The following NCKAP5 variants were observed in gnomAD, a reference collection of about 807,000 sequenced individuals.
NCKAP5 encodes NCK associated protein 5.
In NCKAP5, 92 loss-of-function variants were observed where a neutral mutation model predicts 167.0. The observed-to-expected ratio is 0.55, with a 90% CI of 0.47 to 0.66. The LOEUF (loss-of-function observed/expected upper bound fraction) is 0.66. Among genes scored for constraint, NCKAP5 ranks in the 30% least tolerant of loss-of-function variants. NCKAP5 has a pLI of 0.00. For synonymous variants in NCKAP5, 891 were observed against 877.4 expected, an observed-to-expected ratio of 1.02 and a Z score of -0.27; for missense variants, 2,378 against 2,315.0, an observed-to-expected ratio of 1.03 and a Z score of -0.56.
At chr2:132,839,038 T>C (rs994213256) in intron 11 of NCKAP5, among the ~76,000 whole-genome samples, 4 of 152,204 alleles carry the variant, frequency 2.6e-5, no homozygotes, top group Non-Finnish European at 4.4e-5. Flanking sequence ...CATATATTTG[T>C]TCCATTTTCT....
the NCKAP5 span, among the ~76,000 whole-genome samples, chr2:133,586,145 T>C: frequency 6.6e-6 from 1 of 152,192 alleles, no homozygotes. Flanking sequence ...TCAGTTACAA[T>C]GAACTCAGAC....
At chr2:133,620,074 C>T in the NCKAP5 span, among the ~76,000 whole-genome samples, 1 of 151,860 alleles carries the variant, frequency 6.6e-6, no homozygotes, top group African/African-American at 2.4e-5. Context: ...TACTACCAAG[C>T]CTGCTAAAAG....
intron 9 of NCKAP5, among the ~76,000 whole-genome samples, chr2:132,877,336 A>T (rs1691357535): frequency 6.6e-6 from 1 of 152,228 alleles, no homozygotes; most frequent in Non-Finnish European, 1.5e-5. Context: ...TTAAACAATT[A>T]ACATATCTAA....
chr2:133,295,289 G>T (rs149559358), intron 4 of NCKAP5, among the ~76,000 whole-genome samples: 1 of 152,210 alleles, frequency 6.6e-6, no homozygotes, highest in East Asian at 1.9e-4. Flanking sequence ...TATGTTCCTT[G>T]AACCTTAGAG....
chr2:132,705,373 T>G (rs532613419), intron 19 of NCKAP5, among the ~76,000 whole-genome samples: 4 of 152,182 alleles, frequency 2.6e-5, no homozygotes, highest in African/African-American at 9.6e-5. Flanking sequence ...CTTTTTACCC[T>G]CCCTTGATCC....
At chr2:132,819,804 G>A (rs1179019107) in intron 11 of NCKAP5, among the ~76,000 whole-genome samples, 1 of 152,164 alleles carries the variant, frequency 6.6e-6, no homozygotes, top group Non-Finnish European at 1.5e-5. Context: ...GGATGTTCAA[G>A]GTCCAGAATT....
intron 8 of NCKAP5, among the ~76,000 whole-genome samples, chr2:132,913,316 C>A (rs1041168188): frequency 2.0e-5 from 3 of 152,028 alleles, no homozygotes; most frequent in African/African-American, 4.8e-5. Context: ...TATCTTTACA[C>A]CATGTCATGG....
chr2:133,172,937 G>A (rs994469945), intron 5 of NCKAP5, among the ~76,000 whole-genome samples: 10 of 152,046 alleles, frequency 6.6e-5, no homozygotes, highest in African/African-American at 2.2e-4. Context: ...TGCCTGCCTC[G>A]ACCTCCCAAA....
chr2:133,229,388 C>G (rs890166886), intron 4 of NCKAP5, among the ~76,000 whole-genome samples: 3 of 152,122 alleles, frequency 2.0e-5, no homozygotes, highest in Admixed American at 1.3e-4. Flanking sequence ...ACAGAGCCAA[C>G]AAAAAGCCAC....
At chr2:133,557,826 A>G (rs2278849) in intron 2 of NCKAP5, among the ~76,000 whole-genome samples, 5,220 of 152,278 alleles carry the variant, frequency 0.034, 174 homozygotes, top group East Asian at 0.16. Flanking sequence ...GATCACAGAC[A>G]CTGCCAGGGT....
the NCKAP5 span, among the ~76,000 whole-genome samples, chr2:133,642,248 C>T: frequency 6.6e-6 from 1 of 152,170 alleles, no homozygotes; most frequent in Non-Finnish European, 1.5e-5. Context: ...CATACAGGAT[C>T]ACCTCCATGA....
chr2:133,619,536 G>C, the NCKAP5 span, among the ~76,000 whole-genome samples: 2 of 151,682 alleles, frequency 1.3e-5, no homozygotes, highest in Non-Finnish European at 2.9e-5. Flanking sequence ...ACCCAACAAA[G>C]ACAAAGAAAA....
At chr2:133,656,798 T>C in the NCKAP5 span, among the ~76,000 whole-genome samples, 313 of 152,288 alleles carry the variant, frequency 2.1e-3, 1 homozygote, top group African/African-American at 7.4e-3. Flanking sequence ...TTTCCGTAAG[T>C]TATTGAGGTA....
At chr2:133,292,301 G>C (rs1679656868) in intron 4 of NCKAP5, among the ~76,000 whole-genome samples, 2 of 148,854 alleles carry the variant, frequency 1.3e-5, no homozygotes, top group South Asian at 2.1e-4. Flanking sequence ...TCTCCTTCTA[G>C]ATTTAAAAAA....
At chr2:132,872,065 C>A (rs1297597257) in intron 9 of NCKAP5, among the ~76,000 whole-genome samples, 1 of 152,224 alleles carries the variant, frequency 6.6e-6, no homozygotes, top group East Asian at 1.9e-4. Context: ...AAATCACTTC[C>A]AATGTCATCT....
At chr2:133,089,489 T>C (rs1476388210) in intron 6 of NCKAP5, among the ~76,000 whole-genome samples, 4 of 152,248 alleles carry the variant, frequency 2.6e-5, no homozygotes, top group Non-Finnish European at 4.4e-5. Flanking sequence ...AGATGTCTTC[T>C]TGTTAACTTG....
Position 132,691,248 on chromosome 2 carries a change from C to T in NCKAP5, c.5714-17943G>A, listed in dbSNP as rs866955270. Among the ~76,000 whole-genome samples the T allele has an allele frequency of 1.8e-4, 27 of 152,264 alleles. 1 individual carries two copies. In the Middle Eastern group the frequency reaches 0.01, roughly 58 times the overall value. On this transcript the variant is annotated intron_variant, in intron 19 of 19. Transcript: ENST00000409261. ...TGCTTCCACTCTCTCCTCCTGATAG[C>T]CTGTTCTTCATACAAAAGCCAAGGC... is the stretch of plus-strand genomic sequence containing the variant.
chr2:133,107,730 G>A (rs1370862951), intron 6 of NCKAP5, among the ~76,000 whole-genome samples: 1 of 152,072 alleles, frequency 6.6e-6, no homozygotes, highest in Non-Finnish European at 1.5e-5. Context: ...GCTCAAATCT[G>A]GTAGGGGAAA....
At chr2:133,377,604 T>C (rs1409310001) in intron 3 of NCKAP5, among the ~76,000 whole-genome samples, 1 of 151,922 alleles carries the variant, frequency 6.6e-6, no homozygotes, top group Non-Finnish European at 1.5e-5. Flanking sequence ...GTTAGAAAAA[T>C]GGGTTTAAGT....
Sources: gnomAD v4.1 joint callset for allele counts (sites outside exome capture counted in the v4.1 genomes callset) on GRCh38, gnomAD v4.1.1 for gene constraint, MANE v1.5 for transcripts, NCBI Gene and HGNC (gene_info 2026-07-23, HGNC 2026-07-21) for gene names.